HIF1A: variants seen among roughly 807,000 people sequenced by gnomAD.
HIF1A encodes the protein hypoxia inducible factor 1 subunit alpha, also known as hypoxia-inducible factor 1-alpha.
HIF1A carries 24 observed loss-of-function variants against 92.7 expected under a neutral mutation model. The ratio of observed to expected loss-of-function variants is 0.26; its 90% CI spans 0.19 to 0.36. HIF1A has a LOEUF of 0.36. Ranked by LOEUF, HIF1A falls within the 10% of genes least tolerant of loss-of-function variation. The probability of loss-of-function intolerance (pLI) is 1.00; values close to 1 mark genes in which losing one functional copy is unlikely to be tolerated. For missense variants in HIF1A, 799 were observed against 998.5 expected, an observed-to-expected ratio of 0.80 and a Z score of 2.69; for synonymous variants, 319 against 338.7, an observed-to-expected ratio of 0.94 and a Z score of 0.64.
At chr14:61,709,385 T>C (rs534139536) in intron 1 of HIF1A, among the ~76,000 whole-genome samples, 1 of 152,346 alleles carries the variant, frequency 6.6e-6, no homozygotes, top group South Asian at 2.1e-4. Flanking sequence ...ACTTAATAAA[T>C]TAACATGTAA....
At chr14:61,705,720 T>C (rs1269074739) in intron 1 of HIF1A, among the ~76,000 whole-genome samples, 2 of 152,180 alleles carry the variant, frequency 1.3e-5, no homozygotes, top group African/African-American at 4.8e-5. Flanking sequence ...ACTAATAGTG[T>C]TACCTAACCC....
chr14:61,724,305 A>T (rs1180769420), intron 4 of HIF1A, among the ~76,000 whole-genome samples: 1 of 149,666 alleles, frequency 6.7e-6, no homozygotes, highest in Non-Finnish European at 1.5e-5. Flanking sequence ...CTTTACTGCC[A>T]CTACCACAAC....
Position 61,696,858 on chromosome 14 carries a change from TAGA to T in HIF1A, c.35+1021_35+1023del, listed in dbSNP as rs373463266. ...TATCTAAAGTAAGTAATCACTCGGT[TAGA>T]ACTTAATGCAAGTTTTATAAATCAC... On this transcript the variant is annotated intron_variant, in intron 1 of 14. Transcript: ENST00000337138. 7.2e-3 allele frequency among the ~76,000 whole-genome samples: 1,094 copies of T among 152,338 alleles called. 19 individuals are homozygous for T. Among genetic ancestry groups the T allele is most frequent in the African/African-American group, 0.025 (1,025 of 41,570 alleles).
In HIF1A at chr14:61,740,529, T is replaced by A. The variant is rs779116374; in HGVS notation, c.1561T>A (p.Phe521Ile). ...PEPNSPSEYCFYVDSDMVNEF... is the reference protein window; with the variant it reads ...PEPNSPSEYCIYVDSDMVNEF... ...GCCTAATAGTCCCAGTGAATATTGT[T>A]TTTATGTGGATAGTGATATGGTCAA... Residue 521 changes from phenylalanine (F) to isoleucine (I), a missense_variant, in exon 11 of 15, where the codon TTT becomes ATT. This residue lies in a region of HIF1A where 516 missense variants were observed against 721.0 expected (regional missense o/e 0.72). Coordinates refer to ENST00000337138, the MANE Select transcript of HIF1A (RefSeq NM_001530.4). 1.3e-6 allele frequency: 2 copies of A among 1,592,280 alleles called. No individual in the cohort carries two copies. The highest frequency in any genetic ancestry group is 1.7e-6 in the Non-Finnish European group (2 of 1,166,210).
At chr14:61,712,858 C>T (rs2044322902) in intron 1 of HIF1A, among the ~76,000 whole-genome samples, 1 of 150,934 alleles carries the variant, frequency 6.6e-6, no homozygotes, top group African/African-American at 2.4e-5. Flanking sequence ...TGACAGTTTC[C>T]TGCCCCCAAG....
chr14:61,740,942 C>G lies in HIF1A; in HGVS notation c.1847C>G (p.Thr616Ser), dbSNP rs2044702685. 1 of 1,614,006 alleles carries G rather than the reference C, an allele frequency of 6.2e-7. No individual in the cohort carries two copies. The highest frequency in any genetic ancestry group is 1.7e-5 in the Admixed American group (1 of 60,008). ...QIQEPTANATTTTATTDELKT... is the reference protein window; with the variant it reads ...QIQEPTANATSTTATTDELKT... ...CAAGAACCTACTGCTAATGCCACCA[C>G]TACCACTGCCACCACTGATGAATTA... Residue 616 changes from threonine to serine, a missense_variant, in exon 12 of 15, where the codon ACT becomes AGT. Physicochemically the swap from Thr to Ser is moderately conservative, Grantham distance 58. This residue lies in a region of HIF1A where 283 missense variants were observed against 277.5 expected (regional missense o/e 1.02). Transcript: ENST00000337138.
intron 13 of HIF1A, among the ~76,000 whole-genome samples, chr14:61,745,304 TC>T: frequency 6.6e-6 from 1 of 152,020 alleles, no homozygotes; most frequent in Middle Eastern, 3.4e-3. Context: ...ACAACTATAA[TC>T]CCAGCCACTC....
Position 61,738,355 on chromosome 14 carries a change from TAGAC to T in HIF1A, c.1520_1523del (p.Arg507LysfsTer29). ...CACCTAGTCCTTCCGATGGAAGCAC[TAGAC>T]AAAGTTCACCTGAGGTAGGTGTCAT... On this transcript the variant is annotated frameshift_variant, in exon 10 of 15. Coordinates refer to ENST00000337138, the MANE Select transcript of HIF1A (RefSeq NM_001530.4). LOFTEE classifies it high-confidence loss of function. The T allele has an allele frequency of 6.2e-7, 1 of 1,606,404 alleles. No homozygotes were observed. Among genetic ancestry groups the T allele is most frequent in the Non-Finnish European group, 8.5e-7 (1 of 1,176,126 alleles).
At position 61,717,947 on chromosome 14, in the gene HIF1A, G is replaced by C. The variant is rs561378634; in HGVS notation, c.36-2435G>C. ...GAGGCAGGAGAATTGCTTGAACCTGGGAAGTGGAGGTTGCAGTGAACCAAG... is the reference window on the plus strand; with the variant it reads ...GAGGCAGGAGAATTGCTTGAACCTGCGAAGTGGAGGTTGCAGTGAACCAAG... On this transcript the variant is annotated intron_variant, in intron 1 of 14. Transcript: ENST00000337138. Among the ~76,000 whole-genome samples the C allele has an allele frequency of 5.3e-5, 8 of 151,964 alleles. 1 individual carries two copies. Among genetic ancestry groups the C allele is most frequent in the African/African-American group, 1.9e-4 (8 of 41,412 alleles).
chr14:61,735,791 ATC>A (rs1464479215), intron 8 of HIF1A, among the ~76,000 whole-genome samples: 12 of 152,128 alleles, frequency 7.9e-5, no homozygotes, highest in Non-Finnish European at 1.5e-4. Context: ...TCTTAGAAAG[ATC>A]TTAATCATTT....
At chr14:61,722,886 C>T (rs182150556) in intron 4 of HIF1A, among the ~76,000 whole-genome samples, 82 of 152,268 alleles carry the variant, frequency 5.4e-4, no homozygotes, top group Non-Finnish European at 2.9e-5. Context: ...AGTCTTTCTA[C>T]ATTTTTATCT....
Position 61,740,827 on chromosome 14 carries a change from G to A in HIF1A, c.1732G>A (p.Asp578Asn), listed in dbSNP as rs376459372. The A allele has an allele frequency of 8.5e-5, 137 of 1,613,812 alleles. No homozygotes were observed. Among genetic ancestry groups the A allele is most frequent in the Non-Finnish European group, 1.1e-4 (134 of 1,179,956 alleles). Residue 578 changes from aspartate (D) to asparagine (N), a missense_variant, in exon 12 of 15, where the codon GAT (aspartate) becomes AAT (asparagine). Asp to Asn is a conservative substitution (Grantham distance 23, BLOSUM62 1). Transcript: ENST00000337138. ...MDDDFQLRSF[D>N]QLSPLESSSA... ...TGATGACTTCCAGTTACGTTCCTTC[G>A]ATCAGTTGTCACCATTAGAAAGCAG... is the stretch of plus-strand genomic sequence containing the variant.
intron 6 of HIF1A, 85 bp from the exon 7 acceptor site, chr14:61,732,333 C>A: frequency 2.6e-6 from 2 of 768,426 alleles, no homozygotes; most frequent in South Asian, 1.5e-5. Context: ...AAGATTAATG[C>A]CTATCAGTTA....
intron 1 of HIF1A, among the ~76,000 whole-genome samples, chr14:61,699,962 G>T (rs2140116076): frequency 6.6e-6 from 1 of 152,142 alleles, no homozygotes; most frequent in African/African-American, 2.4e-5. Context: ...TATATGCGTT[G>T]AGTATTAATG....
intron 1 of HIF1A, among the ~76,000 whole-genome samples, chr14:61,709,605 C>T (rs1249449137): frequency 2.0e-5 from 3 of 151,958 alleles, no homozygotes; most frequent in Non-Finnish European, 4.4e-5. Context: ...GTTGTTGTGC[C>T]GTTTAGATAA....
At position 61,740,641 on chromosome 14, in the gene HIF1A, T is replaced by C. The variant is rs1398563164; in HGVS notation, c.1659+14T>C. On this transcript the variant is annotated intron_variant, in intron 11 of 14. Transcript: ENST00000337138. ...TTTTCTACTCAGGTATATGAACTTA[T>C]TTGTTTTATATTAAATTTCATTAAT... 13 of 1,573,418 alleles carry C rather than the reference T, an allele frequency of 8.3e-6. No homozygotes were observed. The highest frequency in any genetic ancestry group is 5.9e-5 in the South Asian group (5 of 84,676).
intron 1 of HIF1A, among the ~76,000 whole-genome samples, chr14:61,716,695 C>T (rs929456569): frequency 2.4e-4 from 36 of 152,022 alleles, no homozygotes; most frequent in African/African-American, 8.2e-4. Flanking sequence ...ACAACTCTTG[C>T]TTATTCATGA....
chr14:61,713,092 T>C (rs1272234038), intron 1 of HIF1A, among the ~76,000 whole-genome samples: 1 of 151,994 alleles, frequency 6.6e-6, no homozygotes, highest in African/African-American at 2.4e-5. Flanking sequence ...AGAAAGGAAA[T>C]ACTATGGTGC....
chr14:61,712,497 C>G (rs1162439536), intron 1 of HIF1A, among the ~76,000 whole-genome samples: 2 of 150,518 alleles, frequency 1.3e-5, no homozygotes, highest in African/African-American at 4.9e-5. Flanking sequence ...AAGGATTATT[C>G]TAGTTGCTGT....
Sources: gnomAD v4.1 joint callset for allele counts (sites outside exome capture counted in the v4.1 genomes callset) on GRCh38, gnomAD v4.1.1 for gene constraint, gnomAD v4.1.1 regional missense constraint, MANE v1.5 for transcripts, NCBI Gene and HGNC (gene_info 2026-07-23, HGNC 2026-07-21) for gene names.